Variants in MYLK observed in about 807,000 individuals in gnomAD.
The protein encoded by MYLK is myosin light chain kinase, smooth muscle.
A neutral mutation model predicts 203.4 loss-of-function variants in MYLK; 106 were observed. That is an observed-to-expected ratio of 0.52 (90% CI 0.45 to 0.61). The LOEUF (loss-of-function observed/expected upper bound fraction) is 0.61. Among genes scored for constraint, MYLK ranks in the 20% least tolerant of loss-of-function variants. The pLI is 0.00. For synonymous variants in MYLK, 867 were observed against 959.5 expected, an observed-to-expected ratio of 0.90 and a Z score of 1.78; for missense variants, 2,072 against 2,442.3, an observed-to-expected ratio of 0.85 and a Z score of 3.20.
chr3:123,710,768 A>G (rs1365745649), intron 13 of MYLK, among the ~76,000 whole-genome samples: 1 of 152,256 alleles, frequency 6.6e-6, no homozygotes, highest in Non-Finnish European at 1.5e-5. Context: ...AAAGTCTTGT[A>G]CACAAACATT....
intron 1 of MYLK, among the ~76,000 whole-genome samples, chr3:123,879,524 A>G (rs572175119): frequency 6.6e-6 from 1 of 152,050 alleles, no homozygotes. Context: ...TCTGTTAATG[A>G]AACTTGGAAA....
intron 11 of MYLK, among the ~76,000 whole-genome samples, chr3:123,730,139 G>A (rs1006804417): frequency 3.3e-5 from 5 of 151,990 alleles, no homozygotes; most frequent in African/African-American, 1.2e-4. Context: ...GAGGCAGGAG[G>A]ATTGCTTGAG....
At chr3:123,725,617 T>A (rs1209397849) in intron 12 of MYLK, among the ~76,000 whole-genome samples, 2 of 152,300 alleles carry the variant, frequency 1.3e-5, no homozygotes, top group East Asian at 3.9e-4. Flanking sequence ...AGAAAAGAAA[T>A]CCAACTGCTC....
intron 2 of MYLK, among the ~76,000 whole-genome samples, chr3:123,852,287 T>G (rs891029469): frequency 2.0e-5 from 3 of 152,212 alleles, no homozygotes; most frequent in African/African-American, 7.2e-5. Flanking sequence ...TTCCCTCTTT[T>G]TCTATTGATT....
chr3:123,866,095 C>A (rs542133702), intron 2 of MYLK, among the ~76,000 whole-genome samples: 213 of 152,212 alleles, frequency 1.4e-3, no homozygotes, highest in Non-Finnish European at 2.6e-3. Flanking sequence ...TGAGTCACCT[C>A]AGCTTTTCAG....
At chr3:123,786,251 C>T (rs1048877806) in intron 4 of MYLK, among the ~76,000 whole-genome samples, 8 of 151,098 alleles carry the variant, frequency 5.3e-5, no homozygotes, top group African/African-American at 1.5e-4. Flanking sequence ...TGCAGTGAAC[C>T]GCGATTGTGT....
At chr3:123,710,058 A>G (rs1315006512) in intron 13 of MYLK, among the ~76,000 whole-genome samples, 165 bp from the exon 14 acceptor site, 1 of 152,232 alleles carries the variant, frequency 6.6e-6, no homozygotes, top group Non-Finnish European at 1.5e-5. Context: ...CATTAGGAAC[A>G]AGATGCCTCC....
rs564717833 is a variant in MYLK at position 123,684,006 on chromosome 3, C to A, written c.3566-1696G>T. ...AGCTCCTCAGGAGGCTGCCTGTAAC[C>A]CAGCATGCCAGTTCCATGAGGACAC... On this transcript the variant is annotated intron_variant, in intron 19 of 33. Transcript: ENST00000360304. 2.6e-5 allele frequency among the ~76,000 whole-genome samples: 4 copies of A among 152,302 alleles called. No homozygotes were observed. In the South Asian group the frequency reaches 8.3e-4, roughly 32 times the overall value.
chr3:123,735,277 C>A (rs1164273975), intron 9 of MYLK, 121 bp downstream of exon 9: 1 of 1,318,854 alleles, frequency 7.6e-7, no homozygotes, highest in African/African-American at 1.5e-5. Context: ...AAAACAACAT[C>A]CTCCAAATGG....
At chr3:123,647,752 A>G (rs931614037) in intron 26 of MYLK, among the ~76,000 whole-genome samples, 1 of 150,834 alleles carries the variant, frequency 6.6e-6, no homozygotes, top group Non-Finnish European at 1.5e-5. Flanking sequence ...GGGTCTCGCT[A>G]TGTTGCCCAG....
At chr3:123,719,794 T>G (rs1047997034) in intron 13 of MYLK, among the ~76,000 whole-genome samples, 2 of 152,150 alleles carry the variant, frequency 1.3e-5, no homozygotes, top group Admixed American at 6.5e-5. Context: ...CAGCCATCAG[T>G]GCAGTAGGGA....
chr3:123,753,077 C>T (rs1420012601), intron 4 of MYLK, among the ~76,000 whole-genome samples: 1 of 152,070 alleles, frequency 6.6e-6, no homozygotes, highest in Admixed American at 6.5e-5. Flanking sequence ...AGGTTCAGGA[C>T]CTGCACTGCC....
chr3:123,716,270 G>A (rs997275475), intron 13 of MYLK: 1 of 152,180 alleles, frequency 6.6e-6, no homozygotes, highest in Non-Finnish European at 1.5e-5. Flanking sequence ...TTTCCAGGGG[G>A]TTTGTGCAAG....
rs113551229 is a variant in MYLK at position 123,848,511 on chromosome 3, T to TA, written c.-126-16842dup. ...GGGAAGGCAATACACCATGCTAAAA[T>TA]AAAAAAAAACACTATACTTCCCTGG... On this transcript the variant is annotated intron_variant, in intron 2 of 33. Transcript: ENST00000360304. Among the ~76,000 whole-genome samples, 1,147 of 151,208 alleles carry TA rather than the reference T, an allele frequency of 7.6e-3. 10 individuals are homozygous for TA. Among genetic ancestry groups the TA allele is most frequent in the African/African-American group, 0.021 (879 of 41,294 alleles).
chr3:123,723,520 ATG>A (rs1184522649), intron 12 of MYLK, among the ~76,000 whole-genome samples: 1 of 152,194 alleles, frequency 6.6e-6, no homozygotes, highest in Non-Finnish European at 1.5e-5. Context: ...ACTGCCGCCA[ATG>A]TGTCTCTTCT....
chr3:123,721,239 G>A (rs1353334751), intron 13 of MYLK, among the ~76,000 whole-genome samples: 15 of 152,332 alleles, frequency 9.8e-5, no homozygotes, highest in East Asian at 1.9e-4. Context: ...CCTGAGCCCC[G>A]GGGAATGGAG....
Position 123,700,145 on chromosome 3 carries a change from T to G in MYLK, c.3323A>C (p.His1108Pro), listed in dbSNP as rs755132285. ...CAGCAGCTTCTTGCCCTCTGCCACA[T>G]GAACATCTTGCAGCTTCTGCTTGAA... Reference protein sequence around the residue: ...PAFKQKLQDVHVAEGKKLLLQ... With the variant: ...PAFKQKLQDVPVAEGKKLLLQ... The change falls in exon 18 of 34, where the codon CAT becomes CCT. Residue 1108 changes from histidine (H) to proline (P), a missense_variant. By Grantham distance (77) the His-to-Pro change is moderately conservative. Around this residue, in one of 3 missense-constraint regions of MYLK, gnomAD observed 865 missense variants for 1,016.0 expected, o/e 0.85. Coordinates refer to ENST00000360304, the MANE Select transcript of MYLK (RefSeq NM_053025.4). The G allele has an allele frequency of 6.2e-7, 1 of 1,614,010 alleles. No homozygotes were observed. Among genetic ancestry groups the G allele is most frequent in the South Asian group, 1.1e-5 (1 of 91,060 alleles).
At chr3:123,825,571 G>C (rs1034821569) in intron 3 of MYLK, among the ~76,000 whole-genome samples, 3 of 152,190 alleles carry the variant, frequency 2.0e-5, no homozygotes, top group Admixed American at 1.3e-4. Flanking sequence ...GGAGCACAAA[G>C]TATGCACTTC....
At chr3:123,764,517 C>G (rs944252949) in intron 4 of MYLK, among the ~76,000 whole-genome samples, 4 of 152,186 alleles carry the variant, frequency 2.6e-5, no homozygotes, top group African/African-American at 9.7e-5. Context: ...ATTTAGTACA[C>G]TGAGTGAGGG....
Sources: gnomAD v4.1 joint callset for allele counts (sites outside exome capture counted in the v4.1 genomes callset) on GRCh38, gnomAD v4.1.1 for gene constraint, gnomAD v4.1.1 regional missense constraint, MANE v1.5 for transcripts, NCBI Gene and HGNC (gene_info 2026-07-23, HGNC 2026-07-21) for gene names.